RNF180: variants seen among roughly 807,000 people sequenced by gnomAD.
RNF180 encodes E3 ubiquitin-protein ligase RNF180.
In RNF180, 38 loss-of-function variants were observed where a neutral mutation model predicts 59.2. That is an observed-to-expected ratio of 0.64 (90% CI 0.50 to 0.84). The LOEUF is 0.84. Among genes scored for constraint, RNF180 ranks in the 40% least tolerant of loss-of-function variants. The probability of loss-of-function intolerance (pLI) is 0.00; values close to 1 mark genes in which losing one functional copy is unlikely to be tolerated. For synonymous variants in RNF180, 262 were observed against 240.3 expected (o/e 1.09, Z -0.84); for missense variants, 705 against 700.9 (o/e 1.01, Z -0.07).
chr5:64,217,283 T>G (rs752778352), intron 4 of RNF180, 78 bp from the exon 5 acceptor site: 107 of 1,312,920 alleles, frequency 8.1e-5, no homozygotes, highest in Non-Finnish European at 1.0e-4. Flanking sequence ...TTGTTTTAGG[T>G]TTTGCAAATT....
chr5:64,251,634 C>T lies in RNF180; in HGVS notation c.1227+34238C>T, dbSNP rs116216135. Among the ~76,000 whole-genome samples, 547 of 152,178 alleles carry T rather than the reference C, an allele frequency of 3.6e-3. 7 individuals carry two copies. Among genetic ancestry groups the T allele is most frequent in the African/African-American group, 0.012 (498 of 41,530 alleles). ...TGTAGGCATAGGATACTGTGTTACC[C>T]GGGATGGTCTGGCCTCAGGCAATCT... On this transcript the variant is annotated intron_variant, in intron 5 of 7. Transcript: ENST00000389100.
chr5:64,190,673 T>C (rs1431062755), intron 1 of RNF180, among the ~76,000 whole-genome samples: 1 of 152,110 alleles, frequency 6.6e-6, no homozygotes, highest in African/African-American at 2.4e-5. Flanking sequence ...TAATGTTAAA[T>C]GAGGTCAAAA....
At chr5:64,234,328 T>G (rs1293254015) in intron 5 of RNF180, among the ~76,000 whole-genome samples, 1 of 151,700 alleles carries the variant, frequency 6.6e-6, no homozygotes, top group African/African-American at 2.4e-5. Context: ...TAGCTGGGTG[T>G]GGTGGCATGT....
At chr5:64,273,582 T>C (rs982687961) in intron 5 of RNF180, among the ~76,000 whole-genome samples, 1 of 151,856 alleles carries the variant, frequency 6.6e-6, no homozygotes, top group Non-Finnish European at 1.5e-5. Flanking sequence ...TTTCAAGATA[T>C]TTGAAAAAAG....
At chr5:64,222,123 A>G (rs1026081193) in intron 5 of RNF180, among the ~76,000 whole-genome samples, 5 of 152,038 alleles carry the variant, frequency 3.3e-5, no homozygotes, top group Non-Finnish European at 7.4e-5. Context: ...TTTGAGGAGT[A>G]CTGGTTAGTT....
intron 1 of RNF180, among the ~76,000 whole-genome samples, chr5:64,169,629 T>G (rs1428795407): frequency 6.6e-6 from 1 of 152,204 alleles, no homozygotes; most frequent in Non-Finnish European, 1.5e-5. Context: ...AGAATCCACT[T>G]ATTTTAACCA....
chr5:64,291,980 A>T (rs1187131468), intron 5 of RNF180, among the ~76,000 whole-genome samples: 1 of 151,972 alleles, frequency 6.6e-6, no homozygotes, highest in African/African-American at 2.4e-5. Context: ...TAGCTCCATC[A>T]GGTCAGTTAT....
At chr5:64,176,788 C>G (rs1750261713) in intron 1 of RNF180, among the ~76,000 whole-genome samples, 1 of 152,102 alleles carries the variant, frequency 6.6e-6, no homozygotes, top group Non-Finnish European at 1.5e-5. Context: ...TTTAAAACAT[C>G]CTTGGTAAAA....
chr5:64,247,278 G>T (rs1239300342), intron 5 of RNF180, among the ~76,000 whole-genome samples: 1 of 152,160 alleles, frequency 6.6e-6, no homozygotes. Context: ...TCAAGCAAGG[G>T]AAAGAAATAA....
intron 7 of RNF180, among the ~76,000 whole-genome samples, chr5:64,359,467 C>A (rs1257938287): frequency 3.3e-5 from 5 of 152,040 alleles, no homozygotes; most frequent in African/African-American, 9.7e-5. Context: ...CCTTCGCCCA[C>A]TTTTTGATGG....
At chr5:64,368,523 C>A (rs1391380554) in intron 7 of RNF180, among the ~76,000 whole-genome samples, 1 of 151,706 alleles carries the variant, frequency 6.6e-6, no homozygotes, top group Non-Finnish European at 1.5e-5. Context: ...TTCTTTGCTA[C>A]CCTGCCTTTA....
chr5:64,367,897 A>G (rs1746511299), intron 7 of RNF180, among the ~76,000 whole-genome samples: 1 of 151,688 alleles, frequency 6.6e-6, no homozygotes, highest in Admixed American at 6.6e-5. Context: ...GTAAAAAGCA[A>G]AAGATTAATA....
rs368647961 is a variant in RNF180, at chr5:64,207,060, CATTT to C, written c.136-5003_136-5000del. ...TCCTTATGAAGTTTTCAGGATTTAT[CATTT>C]AATCTTCTATTAATATTATAACAAT... is the stretch of plus-strand genomic sequence containing the variant. On this transcript the variant is annotated intron_variant, in intron 2 of 7. Coordinates refer to ENST00000389100, the MANE Select transcript of RNF180 (RefSeq NM_001113561.2). Among the ~76,000 whole-genome samples the C allele has an allele frequency of 3.1e-3, 468 of 151,994 alleles. 1 individual carries two copies. The highest frequency in any genetic ancestry group is 4.0e-3 in the Non-Finnish European group (272 of 67,946).
chr5:64,242,822 C>T (rs777298534), intron 5 of RNF180, among the ~76,000 whole-genome samples: 60 of 152,284 alleles, frequency 3.9e-4, no homozygotes, highest in Non-Finnish European at 7.6e-4. Flanking sequence ...GGAACAGCTC[C>T]GGTCTGCAGC....
intron 7 of RNF180, among the ~76,000 whole-genome samples, chr5:64,347,820 G>A (rs1231724115): frequency 2.6e-5 from 4 of 152,144 alleles, no homozygotes; most frequent in African/African-American, 7.2e-5. Flanking sequence ...AGCTTCAAAT[G>A]TTATTCACTC....
chr5:64,276,348 G>GTGTGTGTGTT (rs1554038836), intron 5 of RNF180, among the ~76,000 whole-genome samples: 2 of 146,122 alleles, frequency 1.4e-5, no homozygotes, highest in African/African-American at 5.2e-5. Context: ...GTGTGTGTGT[G>GTGTGTGTGTT]TGTGTGTGTG....
At chr5:64,316,888 G>A (rs960893749) in intron 5 of RNF180, among the ~76,000 whole-genome samples, 3 of 152,176 alleles carry the variant, frequency 2.0e-5, no homozygotes, top group Admixed American at 1.3e-4. Flanking sequence ...TGCGTCCAGC[G>A]ACCCTTCACA....
At chr5:64,179,095 T>A (rs1238487116) in intron 1 of RNF180, among the ~76,000 whole-genome samples, 1 of 152,174 alleles carries the variant, frequency 6.6e-6, no homozygotes, top group East Asian at 1.9e-4. Context: ...TAAATGGAAA[T>A]CGAATGCTAC....
At chr5:64,292,686 G>T (rs1742663162) in intron 5 of RNF180, among the ~76,000 whole-genome samples, 1 of 152,206 alleles carries the variant, frequency 6.6e-6, no homozygotes, top group Admixed American at 6.5e-5. Context: ...ACCCTTCCTT[G>T]TCCAGACCAC....
Sources: gnomAD v4.1 joint callset for allele counts (sites outside exome capture counted in the v4.1 genomes callset) on GRCh38, gnomAD v4.1.1 for gene constraint, MANE v1.5 for transcripts, NCBI Gene and HGNC (gene_info 2026-07-23, HGNC 2026-07-21) for gene names.